TMED3: variants seen among roughly 807,000 people sequenced by gnomAD.
TMED3 encodes the protein transmembrane emp24 domain-containing protein 3.
A neutral mutation model predicts 15.0 loss-of-function variants in TMED3; 9 were observed. The ratio of observed to expected loss-of-function variants is 0.60; its 90% CI spans 0.36 to 1.04. The LOEUF (loss-of-function observed/expected upper bound fraction) is 1.04. Ranked by LOEUF, TMED3 falls within the 50% of genes least tolerant of loss-of-function variation. TMED3 has a pLI of 0.01. For missense variants in TMED3, 267 were observed against 278.9 expected, an observed-to-expected ratio of 0.96 and a Z score of 0.30; for synonymous variants, 117 against 121.4, an observed-to-expected ratio of 0.96 and a Z score of 0.24.
exon 3 of TMED3, chr15:79,412,147 C>T (rs1893993259): frequency 6.6e-6 from 1 of 151,910 alleles, no homozygotes; most frequent in East Asian, 2.0e-4. Flanking sequence ...ACAGCAGCCC[C>T]TATGGACATG....
At chr15:79,385,257 A>G (rs1231672286) in intron 2 of TMED3, among the ~76,000 whole-genome samples, 3 of 152,110 alleles carry the variant, frequency 2.0e-5, no homozygotes. Flanking sequence ...GCAGCTTTAT[A>G]TACTCTGGCC....
At chr15:79,363,416 C>G (rs1232902633) in intron 2 of TMED3, among the ~76,000 whole-genome samples, 3 of 149,376 alleles carry the variant, frequency 2.0e-5, no homozygotes, top group Non-Finnish European at 4.4e-5. Context: ...CATACTGTAT[C>G]ACAAAGAAAT....
At chr15:79,379,904 A>T (rs535454806) in intron 2 of TMED3, among the ~76,000 whole-genome samples, 20 of 152,212 alleles carry the variant, frequency 1.3e-4, no homozygotes, top group Non-Finnish European at 2.2e-4. Flanking sequence ...TCATAATATG[A>T]TGTGTTATGT....
intron 2 of TMED3, among the ~76,000 whole-genome samples, chr15:79,400,084 A>G (rs1222719556): frequency 1.3e-5 from 2 of 152,128 alleles, no homozygotes; most frequent in Admixed American, 1.3e-4. Context: ...AGCCTTTCTC[A>G]CTGAGGTCTA....
At chr15:79,405,601 G>A (rs28843692) in intron 2 of TMED3, among the ~76,000 whole-genome samples, 70,220 of 152,044 alleles carry the variant, frequency 0.46, 16,627 homozygotes, top group East Asian at 0.68. Context: ...GCAAGTCTCC[G>A]ACCACTGAAT....
chr15:79,364,361 G>A (rs946648689), intron 2 of TMED3, among the ~76,000 whole-genome samples: 4 of 152,136 alleles, frequency 2.6e-5, no homozygotes, highest in African/African-American at 9.6e-5. Flanking sequence ...GGGCCAGGTC[G>A]GAGGTTCTCC....
intron 2 of TMED3, among the ~76,000 whole-genome samples, chr15:79,391,032 A>G (rs757446698): frequency 2.1e-4 from 32 of 151,334 alleles, no homozygotes; most frequent in Admixed American, 1.3e-4. Flanking sequence ...TCAAAGAACC[A>G]GCTTTTTGTT....
At chr15:79,314,755 G>T (rs1295483988) in intron 2 of TMED3, 14 of 281,878 alleles carry the variant, frequency 5.0e-5, no homozygotes, top group South Asian at 4.6e-4. Flanking sequence ...GTGACATTTT[G>T]GGGGGATAGT....
chr15:79,371,105 A>G (rs1349444176), intron 2 of TMED3, among the ~76,000 whole-genome samples: 3 of 152,254 alleles, frequency 2.0e-5, no homozygotes, highest in South Asian at 2.1e-4. Flanking sequence ...TCAAGAATGT[A>G]TCTTTTAGTT....
rs186849473 is a variant in TMED3, at chr15:79,340,589, C to T, written c.417+26584C>T. 8.5e-5 allele frequency among the ~76,000 whole-genome samples: 13 copies of T among 152,248 alleles called. No individual in the cohort carries two copies. The South Asian group carries it at 1.9e-3, about 22-fold the overall frequency. On this transcript the variant is annotated intron_variant, in intron 2 of 2. Transcript: ENST00000424155. Reference sequence around the variant, plus strand: ...AGCAAAAGATCACTAATACACCTGGCGTGTAGTCAACAGTTAATGAATGTT... The same window carrying T: ...AGCAAAAGATCACTAATACACCTGGTGTGTAGTCAACAGTTAATGAATGTT...
chr15:79,391,737 T>TA (rs554871675), intron 2 of TMED3, among the ~76,000 whole-genome samples: 200 of 152,310 alleles, frequency 1.3e-3, no homozygotes, highest in African/African-American at 4.2e-3. Context: ...GGTCTATTAG[T>TA]AATTGTTTTA....
At chr15:79,334,963 A>G (rs953829197) in intron 2 of TMED3, among the ~76,000 whole-genome samples, 1 of 152,340 alleles carries the variant, frequency 6.6e-6, no homozygotes, top group Non-Finnish European at 1.5e-5. Context: ...AAATGAGAAC[A>G]GGCACTGCAC....
intron 2 of TMED3, among the ~76,000 whole-genome samples, chr15:79,382,628 G>C (rs952526311): frequency 6.6e-6 from 1 of 152,190 alleles, no homozygotes; most frequent in Non-Finnish European, 1.5e-5. Context: ...TCTTCTGGGT[G>C]CTCAGCTCCT....
downstream of TMED3, among the ~76,000 whole-genome samples, chr15:79,325,819 C>T (rs1213884634): frequency 6.6e-6 from 1 of 152,196 alleles, no homozygotes; most frequent in Admixed American, 6.5e-5. Context: ...GGGCAGGAAA[C>T]ATCCAGCACG....
chr15:79,326,477 C>T (rs2058788048), downstream of TMED3, among the ~76,000 whole-genome samples: 1 of 152,180 alleles, frequency 6.6e-6, no homozygotes, highest in Non-Finnish European at 1.5e-5. Context: ...AAGGACTCAT[C>T]CCTTGGCCTC....
intron 2 of TMED3, among the ~76,000 whole-genome samples, chr15:79,394,669 C>T (rs969078611): frequency 1.3e-5 from 2 of 152,230 alleles, no homozygotes; most frequent in African/African-American, 4.8e-5. Context: ...TTCTTGCATT[C>T]TTTCTCCTGC....
At chr15:79,328,189 A>G (rs1302457527) in intron 2 of TMED3, among the ~76,000 whole-genome samples, 1 of 152,164 alleles carries the variant, frequency 6.6e-6, no homozygotes, top group African/African-American at 2.4e-5. Flanking sequence ...AAAGAAGCAC[A>G]AGGGAGCCAG....
intron 2 of TMED3, among the ~76,000 whole-genome samples, chr15:79,337,410 G>A (rs182406491): frequency 1.7e-3 from 262 of 152,198 alleles, no homozygotes; most frequent in Non-Finnish European, 2.9e-3. Flanking sequence ...GACACTGTGG[G>A]TTCAGAATTC....
intron 2 of TMED3, among the ~76,000 whole-genome samples, chr15:79,350,083 G>C (rs1183848392): frequency 6.6e-6 from 1 of 152,196 alleles, no homozygotes; most frequent in African/African-American, 2.4e-5. Context: ...CCAGTGCCTA[G>C]AGGAGTGGCC....
Sources: allele counts gnomAD v4.1 joint callset (sites outside exome capture counted in the v4.1 genomes callset), GRCh38; gene constraint gnomAD v4.1.1; transcripts MANE v1.5; gene names NCBI Gene and HGNC (gene_info 2026-07-23, HGNC 2026-07-21).